The following PDCD11 variants were observed in gnomAD, a reference collection of about 807,000 sequenced individuals.
The protein encoded by PDCD11 is protein RRP5 homolog.
PDCD11 carries 97 observed loss-of-function variants against 198.9 expected under a neutral mutation model. That is an observed-to-expected ratio of 0.49 (90% CI 0.41 to 0.58). PDCD11 has a LOEUF of 0.58. PDCD11 is among the 20% of genes least tolerant of loss of function. The pLI is 0.00. For synonymous variants in PDCD11, 893 were observed against 918.0 expected (o/e 0.97, Z 0.49); for missense variants, 2,102 against 2,312.7 (o/e 0.91, Z 1.87).
chr10:103,432,655 C>T (rs896739637), intron 22 of PDCD11, among the ~76,000 whole-genome samples: 1 of 152,206 alleles, frequency 6.6e-6, no homozygotes, highest in Non-Finnish European at 1.5e-5. Flanking sequence ...GCAGCCTGTA[C>T]TGGTTGAAAC....
chr10:103,405,287 A>G, intron 5 of PDCD11, 104 bp downstream of exon 5: 1 of 1,114,340 alleles, frequency 9.0e-7, no homozygotes, highest in South Asian at 1.5e-5. Context: ...ATTGTGACAC[A>G]TAGGAGTGGT....
At chr10:103,411,467 G>A (rs1316981629) in intron 8 of PDCD11, among the ~76,000 whole-genome samples, 1 of 152,068 alleles carries the variant, frequency 6.6e-6, no homozygotes, top group South Asian at 2.1e-4. Context: ...CTGGGTTCAG[G>A]CGATCCTTCC....
chr10:103,415,591 A>G (rs2031062112), intron 12 of PDCD11, among the ~76,000 whole-genome samples: 1 of 152,226 alleles, frequency 6.6e-6, no homozygotes, highest in Non-Finnish European at 1.5e-5. Flanking sequence ...AAGCACTATT[A>G]TCTTCATTTT....
At chr10:103,433,857 G>T in intron 22 of PDCD11, 91 bp from the exon 23 acceptor site, 1 of 949,218 alleles carries the variant, frequency 1.1e-6, no homozygotes, top group Non-Finnish European at 1.7e-6. Flanking sequence ...GTGTACTGGG[G>T]CCCTTTCCAC....
intron 6 of PDCD11, 117 bp from the exon 7 acceptor site, chr10:103,406,492 A>C: frequency 1.2e-6 from 1 of 827,964 alleles, no homozygotes; most frequent in Non-Finnish European, 1.9e-6. Flanking sequence ...TTTGGGGAGT[A>C]ACTGATGCTA....
chr10:103,432,349 C>T, intron 22 of PDCD11, 115 bp downstream of exon 22: 1 of 745,828 alleles, frequency 1.3e-6, no homozygotes, highest in Non-Finnish European at 2.3e-6. Context: ...TGCTACCATG[C>T]TGGGTTTGTG....
chr10:103,443,526 A>G (rs953227223), intron 33 of PDCD11, among the ~76,000 whole-genome samples, 193 bp downstream of exon 33: 2 of 152,158 alleles, frequency 1.3e-5, no homozygotes, highest in Admixed American at 6.5e-5. Context: ...AAGGTGAGGG[A>G]AGGAGTGGCT....
At position 103,415,052 on chromosome 10, in the gene PDCD11, C is replaced by A; in HGVS notation, c.1419C>A (p.Gly473=). The A allele has an allele frequency of 1.2e-6, 2 of 1,614,042 alleles. No homozygotes were observed. Among genetic ancestry groups the A allele is most frequent in the Non-Finnish European group, 1.7e-6 (2 of 1,179,992 alleles). ...CATATGGGATGCTGGTGAAGGTGGG[C>A]GAGCAGATGAGGGGCCTGGTACCTC... ...IKSYGMLVKV[G]EQMRGLVPPM... Residue 473 remains glycine, a synonymous_variant, in exon 12 of 36, where the codon GGC becomes GGA. Coordinates refer to ENST00000369797, the MANE Select transcript of PDCD11 (RefSeq NM_014976.2).
rs1436140271 is a variant in PDCD11, at chr10:103,418,575, C to G, written c.2047C>G (p.Leu683Val). The G allele has an allele frequency of 6.2e-7, 1 of 1,614,192 alleles. No individual in the cohort carries two copies. Among genetic ancestry groups the G allele is most frequent in the Non-Finnish European group, 8.5e-7 (1 of 1,180,022 alleles). ...VANGPLLHHW[L>V]QAGDILHRVL... ...CAACGGCCCATTGTTACATCATTGG[C>G]TCCAGGCAGGTGACATCCTTCACCG... Residue 683 changes from leucine (L) to valine (V), a missense_variant, in exon 15 of 36, where the codon CTC (leucine) becomes GTC (valine). Physicochemically the swap from Leu to Val is conservative, Grantham distance 32. Transcript: ENST00000369797.
At chr10:103,406,429 C>A (rs2030452941) in intron 6 of PDCD11, among the ~76,000 whole-genome samples, 180 bp from the exon 7 acceptor site, 1 of 152,148 alleles carries the variant, frequency 6.6e-6, no homozygotes, top group Non-Finnish European at 1.5e-5. Flanking sequence ...AATTCCAGAT[C>A]AATTAGGATA....
rs774919781 is a variant in PDCD11, at chr10:103,442,467, G to A, written c.4955+7G>A. ...TTAAGACCATCTCCTTCAGGTCTCA[G>A]CTTTGCCCCAGGGAGCACAGTGTCT... On this transcript the variant is annotated splice_region_variant and intron_variant, in intron 32 of 35. Coordinates refer to ENST00000369797, the MANE Select transcript of PDCD11 (RefSeq NM_014976.2). 3 of 1,611,802 alleles carry A rather than the reference G, an allele frequency of 1.9e-6. No individual in the cohort carries two copies. The highest frequency in any genetic ancestry group is 2.2e-5 in the South Asian group (2 of 91,038).
At chr10:103,444,765 A>G in intron 35 of PDCD11, 83 bp downstream of exon 35, 1 of 1,323,158 alleles carries the variant, frequency 7.6e-7, no homozygotes, top group Non-Finnish European at 1.1e-6. Context: ...TCAGCATCCC[A>G]GTTCTCTTAC....
At chr10:103,409,471 C>T (rs987075820) in intron 7 of PDCD11, among the ~76,000 whole-genome samples, 2 of 152,106 alleles carry the variant, frequency 1.3e-5, no homozygotes, top group Non-Finnish European at 2.9e-5. Context: ...GGATTGATGT[C>T]CTCTCTTAGC....
Position 103,413,284 on chromosome 10 carries a change from A to G in PDCD11, c.1147A>G (p.Thr383Ala). The G allele has an allele frequency of 6.2e-7, 1 of 1,614,164 alleles. No homozygotes were observed. Among genetic ancestry groups the G allele is most frequent in the Non-Finnish European group, 8.5e-7 (1 of 1,180,014 alleles). ...GGGTTTTTTCAAAAAGGCTGGGGCC[A>G]CCTTTAGGCTGAAGGATGGGGTTCT... ...VQGFFKKAGA[T>A]FRLKDGVLAY... The change falls in exon 9 of 36, where the codon ACC (threonine) becomes GCC (alanine). Residue 383 changes from threonine (T) to alanine (A), a missense_variant. Physicochemically the swap from Thr to Ala is moderately conservative, Grantham distance 58. Coordinates refer to ENST00000369797, the MANE Select transcript of PDCD11 (RefSeq NM_014976.2).
chr10:103,429,000 A>C (rs1425109240), intron 21 of PDCD11, among the ~76,000 whole-genome samples: 1 of 152,194 alleles, frequency 6.6e-6, no homozygotes, highest in Non-Finnish European at 1.5e-5. Flanking sequence ...TCTCATGCTT[A>C]TGTTTTAAAA....
At chr10:103,430,799 GCT>G (rs1191507829) in intron 21 of PDCD11, among the ~76,000 whole-genome samples, 2 of 151,118 alleles carry the variant, frequency 1.3e-5, no homozygotes, top group African/African-American at 2.4e-5. Context: ...AAGTCCTTTT[GCT>G]CTCTTTTTTT....
At chr10:103,441,624 T>C (rs989490397) in intron 30 of PDCD11, among the ~76,000 whole-genome samples, 3 of 152,190 alleles carry the variant, frequency 2.0e-5, no homozygotes, top group East Asian at 1.9e-4. Flanking sequence ...TCTAAATAAA[T>C]GTATTTACAA....
In PDCD11 at chr10:103,406,127, G is replaced by T; in HGVS notation, c.688+19G>T. On this transcript the variant is annotated intron_variant, in intron 6 of 35. Transcript: ENST00000369797. ...AACAAAGGTGAGGGCAAGAAAAGGG[G>T]CCAGTACATGGTGGTGAGGTGGTAC... is the stretch of plus-strand genomic sequence containing the variant. 3 of 1,613,640 alleles carry T rather than the reference G, an allele frequency of 1.9e-6. No homozygotes were observed. The highest frequency in any genetic ancestry group is 2.5e-6 in the Non-Finnish European group (3 of 1,179,720).
chr10:103,444,355 T>C, intron 34 of PDCD11, 162 bp from the exon 35 acceptor site: 1 of 688,174 alleles, frequency 1.5e-6, no homozygotes, highest in Non-Finnish European at 2.5e-6. Context: ...TCTGTGTATT[T>C]GGCCCCAAAC....
Sources: gnomAD v4.1 joint callset for allele counts (sites outside exome capture counted in the v4.1 genomes callset) on GRCh38, gnomAD v4.1.1 for gene constraint, MANE v1.5 for transcripts, NCBI Gene and HGNC (gene_info 2026-07-23, HGNC 2026-07-21) for gene names.